Variants in FIGN observed in about 807,000 individuals in gnomAD.
FIGN encodes the protein fidgetin.
FIGN carries 11 observed loss-of-function variants against 51.3 expected under a neutral mutation model. The ratio of observed to expected loss-of-function variants is 0.21; its 90% CI spans 0.13 to 0.35. FIGN has a LOEUF of 0.35. Ranked by LOEUF, FIGN falls within the 10% of genes least tolerant of loss-of-function variation. The probability of loss-of-function intolerance (pLI) is 1.00; values close to 1 mark genes in which losing one functional copy is unlikely to be tolerated. For missense variants in FIGN, 857 were observed against 943.6 expected, an observed-to-expected ratio of 0.91 and a Z score of 1.20; for synonymous variants, 407 against 363.2, an observed-to-expected ratio of 1.12 and a Z score of -1.37.
intron 2 of FIGN, among the ~76,000 whole-genome samples, chr2:163,693,215 T>C (rs887372220): frequency 6.6e-6 from 1 of 152,158 alleles, no homozygotes; most frequent in Admixed American, 6.6e-5. Flanking sequence ...CTTTATCTAG[T>C]CAAGAGTGGG....
At chr2:163,617,009 G>A in intron 2 of FIGN, 3 of 660,336 alleles carry the variant, frequency 4.5e-6, no homozygotes, top group Non-Finnish European at 5.6e-6. Flanking sequence ...TCTTCAATGG[G>A]AGTGATGACC....
chr2:163,683,494 C>G (rs948801798), intron 2 of FIGN, among the ~76,000 whole-genome samples: 1 of 152,160 alleles, frequency 6.6e-6, no homozygotes, highest in African/African-American at 2.4e-5. Flanking sequence ...CAAACCAATA[C>G]AGCAGAGGGA....
At chr2:163,692,293 C>T (rs2105345857) in intron 2 of FIGN, among the ~76,000 whole-genome samples, 1 of 152,166 alleles carries the variant, frequency 6.6e-6, no homozygotes, top group South Asian at 2.1e-4. Flanking sequence ...ACTGGAAGTA[C>T]CAGTAGGAGG....
rs151227724 is a variant in FIGN, at chr2:163,700,663, T to C, written c.25+34240A>G. ...TCAAGGTTACAAGCAATGGAGGCCA[T>C]TGGAAGAGGGAAATGGAACACTGTG... On this transcript the variant is annotated intron_variant, in intron 2 of 2. Transcript: ENST00000333129. Among the ~76,000 whole-genome samples, 430 of 152,162 alleles carry C rather than the reference T, an allele frequency of 2.8e-3. 3 individuals carry two copies. The highest frequency in any genetic ancestry group is 9.6e-3 in the African/African-American group (398 of 41,532).
At chr2:163,734,859 T>C (rs765927535) in intron 2 of FIGN, 44 bp downstream of exon 2, 85 of 1,579,258 alleles carry the variant, frequency 5.4e-5, no homozygotes, top group Non-Finnish European at 7.3e-5. Context: ...TCATTTGTCT[T>C]TCCTATTTAG....
In FIGN at chr2:163,611,784, T is replaced by G. The variant is rs184060478; in HGVS notation, c.48A>C (p.Pro16=). ...GCTGTTCTGGCCACTGGGCATGCTC[T>G]GGCGTCCACTGCATCTTCAAGCCTA... The part of the protein sequence containing the change: ...SVYGLKMQWT[P]EHAQWPEQHF... Residue 16 remains proline, a synonymous_variant, in exon 3 of 3, where the codon CCA becomes CCC. Transcript: ENST00000333129. The G allele has an allele frequency of 1.9e-6, 3 of 1,602,944 alleles. No homozygotes were observed. The highest frequency in any genetic ancestry group is 1.3e-5 in the African/African-American group (1 of 74,884).
chr2:163,694,181 C>T (rs889031099), intron 2 of FIGN, among the ~76,000 whole-genome samples: 2 of 152,176 alleles, frequency 1.3e-5, no homozygotes, highest in African/African-American at 4.8e-5. Context: ...GATGCATGCT[C>T]ACCAGAGACA....
At chr2:163,666,554 T>C (rs1192020852) in intron 2 of FIGN, among the ~76,000 whole-genome samples, 1 of 152,138 alleles carries the variant, frequency 6.6e-6, no homozygotes, top group Non-Finnish European at 1.5e-5. Flanking sequence ...AACCAAACTC[T>C]CTGGACCTCT....
chr2:163,619,920 G>A (rs1183618178), intron 2 of FIGN, among the ~76,000 whole-genome samples: 1 of 152,072 alleles, frequency 6.6e-6, no homozygotes. Flanking sequence ...TGTGGGGGTA[G>A]GGGGTAGGTT....
intron 2 of FIGN, among the ~76,000 whole-genome samples, chr2:163,613,781 C>T (rs1682820826): frequency 6.6e-6 from 1 of 152,174 alleles, no homozygotes; most frequent in Non-Finnish European, 1.5e-5. Context: ...CAACAGGATT[C>T]ATTTGCAAAT....
intron 2 of FIGN, among the ~76,000 whole-genome samples, chr2:163,658,729 T>C (rs1268568739): frequency 6.6e-6 from 1 of 152,158 alleles, no homozygotes; most frequent in Non-Finnish European, 1.5e-5. Context: ...TCAGGAGGGA[T>C]CTGCCTGCAC....
intron 2 of FIGN, among the ~76,000 whole-genome samples, chr2:163,612,113 C>T (rs780120401): frequency 2.0e-5 from 3 of 152,132 alleles, no homozygotes; most frequent in East Asian, 1.9e-4. Flanking sequence ...ACCTACTATA[C>T]GCACATACAC....
intron 2 of FIGN, among the ~76,000 whole-genome samples, chr2:163,632,109 T>C (rs1376769858): frequency 2.6e-5 from 4 of 152,060 alleles, no homozygotes; most frequent in Non-Finnish European, 4.4e-5. Context: ...GATTGTGCCA[T>C]TACATTCCAG....
At chr2:163,635,423 A>G (rs1300410772) in intron 2 of FIGN, among the ~76,000 whole-genome samples, 2 of 152,176 alleles carry the variant, frequency 1.3e-5, no homozygotes, top group Non-Finnish European at 2.9e-5. Context: ...TTTAAAAATT[A>G]GCCAGGTATG....
At chr2:163,681,959 C>G (rs949710066) in intron 2 of FIGN, among the ~76,000 whole-genome samples, 11 of 152,142 alleles carry the variant, frequency 7.2e-5, no homozygotes, top group Non-Finnish European at 1.0e-4. Context: ...TGAGTTGGCT[C>G]ACACCGGATT....
chr2:163,725,216 A>T (rs1684821109), intron 2 of FIGN, among the ~76,000 whole-genome samples: 1 of 152,116 alleles, frequency 6.6e-6, no homozygotes, highest in Non-Finnish European at 1.5e-5. Context: ...TTTCCAGATG[A>T]TCAAGTAATA....
At chr2:163,708,964 G>A (rs1233005233) in intron 2 of FIGN, among the ~76,000 whole-genome samples, 1 of 152,170 alleles carries the variant, frequency 6.6e-6, no homozygotes, top group Non-Finnish European at 1.5e-5. Context: ...TGTGAGATAA[G>A]ATGACAAAAG....
Position 163,611,337 on chromosome 2 carries a change from A to G in FIGN, c.495T>C (p.Ser165=). Residue 165 remains serine, a synonymous_variant, in exon 3 of 3, where the codon AGT becomes AGC. Coordinates refer to ENST00000333129, the MANE Select transcript of FIGN (RefSeq NM_018086.4). ...ASNLTEPSYS[S]STCGSHTVPS... ...GTACAGTGTGGCTTCCACAGGTACT[A>G]CTTGAATAACTAGGTTCTGTCAGGT... is the stretch of plus-strand genomic sequence containing the variant. 6.2e-7 allele frequency: 1 copy of G among 1,614,130 alleles called. No individual in the cohort carries two copies. The highest frequency in any genetic ancestry group is 8.5e-7 in the Non-Finnish European group (1 of 1,180,016).
At chr2:163,635,107 T>C (rs961170412) in intron 2 of FIGN, among the ~76,000 whole-genome samples, 4 of 152,228 alleles carry the variant, frequency 2.6e-5, no homozygotes, top group African/African-American at 9.6e-5. Flanking sequence ...ACTATGTGTA[T>C]GCTTAATTTC....
Sources: allele counts gnomAD v4.1 joint callset (sites outside exome capture counted in the v4.1 genomes callset), GRCh38; gene constraint gnomAD v4.1.1; transcripts MANE v1.5; gene names NCBI Gene and HGNC (gene_info 2026-07-23, HGNC 2026-07-21).